TRPM3: variants seen among roughly 807,000 people sequenced by gnomAD.
TRPM3 encodes transient receptor potential cation channel subfamily M member 3.
In TRPM3, 77 loss-of-function variants were observed where a neutral mutation model predicts 181.2. The observed-to-expected ratio is 0.42, with a 90% confidence interval of 0.35 to 0.51. The LOEUF is 0.51. Ranked by LOEUF, TRPM3 falls within the 20% of genes least tolerant of loss-of-function variation. The pLI, the probability that TRPM3 is intolerant of heterozygous loss-of-function variation, is 0.01. For missense variants in TRPM3, 1,759 were observed against 2,196.7 expected (o/e 0.80, Z 3.98); for synonymous variants, 745 against 796.4 (o/e 0.94, Z 1.09).
chr9:71,184,944 G>T (rs1485349336), intron 1 of TRPM3, among the ~76,000 whole-genome samples: 1 of 152,078 alleles, frequency 6.6e-6, no homozygotes, highest in African/African-American at 2.4e-5. Context: ...CACACATATA[G>T]AAACACATAC....
intron 1 of TRPM3, among the ~76,000 whole-genome samples, chr9:71,105,868 T>C (rs10780987): frequency 0.68 from 103,636 of 152,074 alleles, 36,513 homozygotes; most frequent in African/African-American, 0.87. Flanking sequence ...GTAGTGATTG[T>C]TGTGATATTA....
Position 71,390,355 on chromosome 9 carries a change from C to T in TRPM3, c.183+56298G>A, listed in dbSNP as rs148122449. On this transcript the variant is annotated intron_variant, in intron 1 of 24. Transcript: ENST00000357533. ...CTGTATCAACTAAAACTAACTTTCT[C>T]ATCTGAGTCAGCAATTGAACTTGGC... 5.6e-3 allele frequency among the ~76,000 whole-genome samples: 854 copies of T among 152,144 alleles called. 13 individuals are homozygous for T. Among genetic ancestry groups the T allele is most frequent in the African/African-American group, 0.019 (804 of 41,554 alleles).
intron 6 of TRPM3, among the ~76,000 whole-genome samples, chr9:70,806,690 A>AAAAATAAAATAAAAT (rs144668023): frequency 0.018 from 2,620 of 148,816 alleles, 39 homozygotes; most frequent in African/African-American, 0.038. Flanking sequence ...ACTCCGTCTC[A>AAAAATAAAATAAAAT]AAAATAAAAT....
At chr9:71,436,298 C>CTTTTTTTTTTTTTTTTT (rs71352382) in intron 1 of TRPM3, among the ~76,000 whole-genome samples, 11 of 77,294 alleles carry the variant, frequency 1.4e-4, no homozygotes, top group East Asian at 3.8e-4. Flanking sequence ...TTTTTTCTTT[C>CTTTTTTTTTTTTTTTTT]TTTTTTTTTT....
At chr9:70,878,946 A>T (rs2095926315) in intron 1 of TRPM3, among the ~76,000 whole-genome samples, 2 of 152,136 alleles carry the variant, frequency 1.3e-5, no homozygotes, top group African/African-American at 4.8e-5. Context: ...GAGGGAGTAA[A>T]GATTACAATA....
rs763363646 is a variant in TRPM3 at position 71,090,326 on chromosome 9, C to T, written c.177+30852G>A. Among the ~76,000 whole-genome samples the T allele has an allele frequency of 4.3e-4, 66 of 152,200 alleles. 1 individual carries two copies. The highest frequency in any genetic ancestry group is 6.6e-4 in the Non-Finnish European group (45 of 68,032). ...AGGGACAGTTGCTAAGAAGACTTTC[C>T]TTAGCTGCAAACTGTCTCTCTGAAA... On this transcript the variant is annotated intron_variant, in intron 1 of 25. Coordinates refer to ENST00000677713, the MANE Select transcript of TRPM3 (RefSeq NM_001366145.2).
intron 17 of TRPM3, among the ~76,000 whole-genome samples, chr9:70,618,621 A>C (rs1327877587): frequency 6.6e-6 from 1 of 152,186 alleles, no homozygotes; most frequent in Non-Finnish European, 1.5e-5. Flanking sequence ...ACTCCTCCGA[A>C]AAATATTAAT....
chr9:71,335,209 C>G (rs1312042315), intron 1 of TRPM3, among the ~76,000 whole-genome samples: 1 of 152,088 alleles, frequency 6.6e-6, no homozygotes, highest in Non-Finnish European at 1.5e-5. Context: ...AGTTAGCTCT[C>G]CTCCCTAGCA....
chr9:71,400,378 A>G (rs1372277606), intron 1 of TRPM3, among the ~76,000 whole-genome samples: 2 of 152,208 alleles, frequency 1.3e-5, no homozygotes, highest in Admixed American at 6.5e-5. Context: ...TTTTGGTATT[A>G]TACTCAAAGT....
At chr9:71,264,963 T>G (rs1290000294) in intron 1 of TRPM3, among the ~76,000 whole-genome samples, 4 of 152,192 alleles carry the variant, frequency 2.6e-5, no homozygotes. Context: ...GGTGTGTCAT[T>G]TCTTATTAAT....
intron 1 of TRPM3, among the ~76,000 whole-genome samples, chr9:71,191,915 G>A (rs959612880): frequency 6.6e-6 from 1 of 151,708 alleles, no homozygotes; most frequent in East Asian, 1.9e-4. Context: ...TTCCTGACCT[G>A]GAGAGTGAAT....
chr9:71,446,670 G>T (rs981696218), exon 1 of TRPM3: 1 of 1,550,168 alleles, frequency 6.5e-7, no homozygotes, highest in Admixed American at 2.0e-5. Flanking sequence ...TGCTGCGACG[G>T]GAGTCCCGAG....
chr9:71,209,914 C>T (rs1171513854), intron 1 of TRPM3, among the ~76,000 whole-genome samples: 1 of 152,188 alleles, frequency 6.6e-6, no homozygotes, highest in African/African-American at 2.4e-5. Context: ...CCATATGGCA[C>T]ACAAAGCCTA....
chr9:71,076,237 G>A (rs2063444598), intron 1 of TRPM3, among the ~76,000 whole-genome samples: 3 of 152,192 alleles, frequency 2.0e-5, no homozygotes, highest in Admixed American at 2.0e-4. Context: ...TCAGACACAG[G>A]AGAGTATTTA....
chr9:70,966,044 A>G (rs2097181927), intron 1 of TRPM3, among the ~76,000 whole-genome samples: 3 of 151,930 alleles, frequency 2.0e-5, no homozygotes, highest in Non-Finnish European at 2.9e-5. Flanking sequence ...TTACAAAAAA[A>G]AAAAACCACA....
chr9:70,582,064 A>G (rs1360489987), intron 22 of TRPM3, among the ~76,000 whole-genome samples: 2 of 151,940 alleles, frequency 1.3e-5, no homozygotes, highest in South Asian at 2.1e-4. Flanking sequence ...TATTTCTTGA[A>G]TGCAGCTGGA....
At chr9:70,816,881 G>A (rs1199926463) in intron 6 of TRPM3, among the ~76,000 whole-genome samples, 1 of 152,164 alleles carries the variant, frequency 6.6e-6, no homozygotes, top group East Asian at 1.9e-4. Context: ...TAGGCAGTTT[G>A]TCTTAATCTG....
chr9:71,198,039 A>C (rs2078509014), intron 1 of TRPM3, among the ~76,000 whole-genome samples: 2 of 150,080 alleles, frequency 1.3e-5, no homozygotes, highest in Non-Finnish European at 3.0e-5. Flanking sequence ...ATCTTGAATT[A>C]ATTTTTGTAT....
chr9:70,613,209 T>C (rs982051662), intron 18 of TRPM3, among the ~76,000 whole-genome samples: 21 of 152,246 alleles, frequency 1.4e-4, no homozygotes, highest in Non-Finnish European at 2.4e-4. Flanking sequence ...TTATGTCTTT[T>C]CTCTGTATTC....
Sources: gnomAD v4.1 joint callset for allele counts (sites outside exome capture counted in the v4.1 genomes callset) on GRCh38, gnomAD v4.1.1 for gene constraint, MANE v1.5 for transcripts, NCBI Gene and HGNC (gene_info 2026-07-23, HGNC 2026-07-21) for gene names.